The following TANC2 variants were observed in gnomAD, a reference collection of about 807,000 sequenced individuals.
The protein encoded by TANC2 is protein TANC2.
In TANC2, 26 loss-of-function variants were observed where a neutral mutation model predicts 210.5. That is an observed-to-expected ratio of 0.12 (90% confidence interval 0.09 to 0.17). TANC2 has a LOEUF of 0.17. TANC2 is among the 10% of genes least tolerant of loss of function. The probability of loss-of-function intolerance (pLI) is 1.00; values close to 1 mark genes in which losing one functional copy is unlikely to be tolerated. For missense variants in TANC2, 2,129 were observed against 2,608.9 expected, an observed-to-expected ratio of 0.82 and a Z score of 4.01; for synonymous variants, 931 against 967.1, an observed-to-expected ratio of 0.96 and a Z score of 0.69.
At chr17:63,029,703 C>A (rs561903979) in intron 2 of TANC2, among the ~76,000 whole-genome samples, 1 of 152,028 alleles carries the variant, frequency 6.6e-6, no homozygotes, top group South Asian at 2.1e-4. Flanking sequence ...AATTGTGATT[C>A]ATGATGGAGA....
chr17:63,417,406 T>C (rs547871837), intron 26 of TANC2, among the ~76,000 whole-genome samples: 1 of 152,238 alleles, frequency 6.6e-6, no homozygotes, highest in Non-Finnish European at 1.5e-5. Flanking sequence ...ATAGGCTGCC[T>C]AGTCGGCGTT....
At chr17:63,425,281 G>T (rs2049116842) in exon 28 of TANC2, 1 of 152,126 alleles carries the variant, frequency 6.6e-6, no homozygotes, top group Non-Finnish European at 1.5e-5. Context: ...CCAGGTCGTT[G>T]TCCAGATATA....
chr17:62,994,370 T>G (rs2033010860), intron 1 of TANC2, among the ~76,000 whole-genome samples: 1 of 151,602 alleles, frequency 6.6e-6, no homozygotes, highest in African/African-American at 2.4e-5. Flanking sequence ...TTTTGTATTT[T>G]TAGTAGAGAT....
At chr17:63,214,039 T>A (rs187453514) in intron 7 of TANC2, among the ~76,000 whole-genome samples, 119 of 152,286 alleles carry the variant, frequency 7.8e-4, no homozygotes, top group African/African-American at 2.7e-3. Flanking sequence ...ACTACAGAGC[T>A]GGCAGAGGTG....
At chr17:63,358,380 T>A (rs1442829627) in intron 14 of TANC2, among the ~76,000 whole-genome samples, 16 of 3,538 alleles carry the variant, frequency 4.5e-3, no homozygotes, top group African/African-American at 7.3e-3. Context: ...AGAGAGAGTA[T>A]GTGTGTGTGT....
chr17:63,131,675 A>G (rs541627586), intron 4 of TANC2, among the ~76,000 whole-genome samples: 98 of 152,304 alleles, frequency 6.4e-4, no homozygotes, highest in African/African-American at 1.9e-3. Context: ...ATATCATTTC[A>G]TATTATCATT....
chr17:63,261,780 C>T (rs555188085), intron 8 of TANC2, among the ~76,000 whole-genome samples: 9 of 152,276 alleles, frequency 5.9e-5, no homozygotes, highest in African/African-American at 2.2e-4. Context: ...TTTGAGCTTC[C>T]AAACTATACA....
chr17:63,226,437 G>T (rs1191720650), intron 7 of TANC2, among the ~76,000 whole-genome samples: 2 of 152,134 alleles, frequency 1.3e-5, no homozygotes, highest in African/African-American at 4.8e-5. Flanking sequence ...ATTCTAGCCA[G>T]TGGTGTGCTG....
chr17:63,340,389 G>A (rs568119344), intron 12 of TANC2, 57 bp downstream of exon 12: 105 of 1,400,452 alleles, frequency 7.5e-5, no homozygotes, highest in Admixed American at 6.9e-4. Flanking sequence ...AAGTTCACCC[G>A]GGTCATACTA....
At position 63,202,064 on chromosome 17, in the gene TANC2, G is replaced by A. The variant is rs79840743; in HGVS notation, c.769+1107G>A. Among the ~76,000 whole-genome samples, 555 of 152,146 alleles carry A rather than the reference G, an allele frequency of 3.6e-3. 8 individuals are homozygous for A. The highest frequency in any genetic ancestry group is 0.013 in the African/African-American group (546 of 41,532). On this transcript the variant is annotated intron_variant, in intron 7 of 27. Transcript: ENST00000689528. ...GTTCTAATGCTCTTCTTATAGTTAGGTATGGAGATAAGAAGAGTAGGGGAA... is the reference window on the plus strand; with the variant it reads ...GTTCTAATGCTCTTCTTATAGTTAGATATGGAGATAAGAAGAGTAGGGGAA...
intron 9 of TANC2, among the ~76,000 whole-genome samples, chr17:63,303,555 A>G (rs2044793284): frequency 6.6e-6 from 1 of 151,998 alleles, no homozygotes; most frequent in South Asian, 2.1e-4. Context: ...ACCTTGGAGA[A>G]TCTGATGATT....
intron 4 of TANC2, among the ~76,000 whole-genome samples, chr17:63,143,090 G>A (rs2039344316): frequency 1.3e-5 from 2 of 152,178 alleles, no homozygotes; most frequent in Admixed American, 1.3e-4. Flanking sequence ...TCATTGAATT[G>A]AAGGGAACAG....
At chr17:63,051,769 C>T (rs1297347869) in intron 2 of TANC2, among the ~76,000 whole-genome samples, 4 of 152,042 alleles carry the variant, frequency 2.6e-5, no homozygotes, top group Admixed American at 6.5e-5. Context: ...ACAGTCAACA[C>T]TTTATTAGAA....
At chr17:63,248,189 A>G (rs1044956351) in intron 8 of TANC2, among the ~76,000 whole-genome samples, 1 of 152,068 alleles carries the variant, frequency 6.6e-6, no homozygotes, top group Non-Finnish European at 1.5e-5. Context: ...AGCTCTAGAT[A>G]CACATACTTT....
intron 4 of TANC2, among the ~76,000 whole-genome samples, chr17:63,138,674 T>TAATA (rs1254808874): frequency 6.6e-6 from 1 of 152,216 alleles, no homozygotes; most frequent in East Asian, 1.9e-4. Flanking sequence ...AACATGTTTT[T>TAATA]AAAAGATTTT....
intron 2 of TANC2, among the ~76,000 whole-genome samples, chr17:63,020,400 C>T (rs2034298076): frequency 6.6e-6 from 1 of 151,562 alleles, no homozygotes; most frequent in African/African-American, 2.4e-5. Context: ...AACTCCTGGG[C>T]TCAAGAAATC....
intron 11 of TANC2, among the ~76,000 whole-genome samples, chr17:63,333,256 A>G (rs553098265): frequency 1.3e-5 from 2 of 152,214 alleles, no homozygotes; most frequent in Non-Finnish European, 2.9e-5. Context: ...TCACCATTCT[A>G]GATGCCATTA....
At chr17:63,056,132 G>A (rs1340710322) in intron 2 of TANC2, among the ~76,000 whole-genome samples, 6 of 140,662 alleles carry the variant, frequency 4.3e-5, no homozygotes, top group African/African-American at 1.6e-4. Flanking sequence ...CCATGATTGT[G>A]TCCATGCACT....
chr17:63,293,752 T>G (rs1421282287), intron 9 of TANC2, among the ~76,000 whole-genome samples: 1 of 151,762 alleles, frequency 6.6e-6, no homozygotes, highest in Non-Finnish European at 1.5e-5. Flanking sequence ...TTTGTTTTTG[T>G]TTTTTTTCCC....
Sources: gnomAD v4.1 joint callset for allele counts (sites outside exome capture counted in the v4.1 genomes callset) on GRCh38, gnomAD v4.1.1 for gene constraint, MANE v1.5 for transcripts, NCBI Gene and HGNC (gene_info 2026-07-23, HGNC 2026-07-21) for gene names.